Variants in NCOA6 observed in about 807,000 individuals in gnomAD.
The protein encoded by NCOA6 is nuclear receptor coactivator 6.
Under a neutral mutation model 171.4 loss-of-function variants are expected in NCOA6, and 49 were observed. The observed-to-expected ratio is 0.29, with a 90% CI of 0.23 to 0.36. The LOEUF (loss-of-function observed/expected upper bound fraction) is 0.36, where lower values mean the gene tolerates loss of function less well. Among genes scored for constraint, NCOA6 ranks in the 10% least tolerant of loss-of-function variants. NCOA6 has a pLI of 1.00. For missense variants in NCOA6, 2,248 were observed against 2,554.5 expected (o/e 0.88, Z 2.59); for synonymous variants, 910 against 927.5 (o/e 0.98, Z 0.34).
intron 10 of NCOA6, 97 bp downstream of exon 10, chr20:34,746,710 G>A (rs1295467871): frequency 2.7e-5 from 36 of 1,344,646 alleles, no homozygotes; most frequent in Non-Finnish European, 3.5e-5. Flanking sequence ...CTAGTTAGCA[G>A]ATAAAATAAA....
At chr20:34,717,740 C>T (rs1052317569) in intron 14 of NCOA6, among the ~76,000 whole-genome samples, 1 of 152,194 alleles carries the variant, frequency 6.6e-6, no homozygotes, top group Non-Finnish European at 1.5e-5. Flanking sequence ...CTAAAATCAA[C>T]TCTTCAGGTC....
At chr20:34,752,408 T>C (rs2076516085) in intron 8 of NCOA6, among the ~76,000 whole-genome samples, 1 of 152,202 alleles carries the variant, frequency 6.6e-6, no homozygotes, top group African/African-American at 2.4e-5. Flanking sequence ...ATTAAGTACC[T>C]GATACATAGA....
intron 1 of NCOA6, among the ~76,000 whole-genome samples, chr20:34,813,823 C>G (rs1162293455): frequency 1.3e-5 from 2 of 152,074 alleles, no homozygotes; most frequent in South Asian, 4.1e-4. Context: ...AACTGAAGAA[C>G]TGCTATTATA....
chr20:34,749,819 C>G lies in NCOA6; in HGVS notation c.2376G>C (p.Gly792=), dbSNP rs1445329517. The G allele has an allele frequency of 6.2e-7, 1 of 1,614,236 alleles. No homozygotes were observed. The highest frequency in any genetic ancestry group is 1.1e-5 in the South Asian group (1 of 91,088). The change falls in exon 9 of 15, where the codon GGG becomes GGC. Residue 792 remains glycine (G), a synonymous_variant. Transcript: ENST00000359003. ...GIQGQVLRPP[G]PSPHMAQQHG... is the part of the protein sequence containing the mutation. Reference sequence around the variant, plus strand: ...GCTGCTGGGCCATGTGTGGGCTGGGCCCTGGTGGCCGCAGGACCTGTCCCT... The same window carrying G: ...GCTGCTGGGCCATGTGTGGGCTGGGGCCTGGTGGCCGCAGGACCTGTCCCT...
At chr20:34,720,106 A>G (rs1428015784) in intron 14 of NCOA6, among the ~76,000 whole-genome samples, 1 of 152,196 alleles carries the variant, frequency 6.6e-6, no homozygotes, top group Non-Finnish European at 1.5e-5. Context: ...TGAACTTCAT[A>G]TTTTTAACTA....
At chr20:34,788,068 T>C (rs2077741643) in intron 2 of NCOA6, among the ~76,000 whole-genome samples, 1 of 152,192 alleles carries the variant, frequency 6.6e-6, no homozygotes, top group South Asian at 2.1e-4. Context: ...AGTTTCACCG[T>C]GTTGCCCAGG....
chr20:34,729,242 C>T lies in NCOA6; in HGVS notation c.6000-1835G>A, dbSNP rs555881903. ...CTGGGATTACAGGTGTGAGCCACAA[C>T]GCCCAGCCCTATACACATAAATCTG... On this transcript the variant is annotated intron_variant, in intron 13 of 14. Transcript: ENST00000359003. Among the ~76,000 whole-genome samples, 6 of 152,300 alleles carry T rather than the reference C, an allele frequency of 3.9e-5. No homozygotes were observed. In the East Asian group the frequency reaches 7.7e-4, roughly 20 times the overall value.
intron 5 of NCOA6, among the ~76,000 whole-genome samples, chr20:34,765,169 T>C (rs1431967908): frequency 6.7e-6 from 1 of 149,682 alleles, no homozygotes; most frequent in African/African-American, 2.5e-5. Context: ...AAACAGGTTT[T>C]TGGCTGGGCG....
chr20:34,767,924 G>A (rs2077030376), intron 5 of NCOA6, among the ~76,000 whole-genome samples: 1 of 152,050 alleles, frequency 6.6e-6, no homozygotes, highest in South Asian at 2.1e-4. Context: ...CTAATATTCT[G>A]AGATTCAATC....
intron 10 of NCOA6, among the ~76,000 whole-genome samples, chr20:34,744,242 G>A (rs2076236628): frequency 6.6e-6 from 1 of 152,160 alleles, no homozygotes; most frequent in Non-Finnish European, 1.5e-5. Flanking sequence ...GAACTCTGAA[G>A]GACAATGTCT....
intron 1 of NCOA6, among the ~76,000 whole-genome samples, chr20:34,795,824 T>C (rs1173603179): frequency 2.0e-5 from 3 of 152,160 alleles, no homozygotes; most frequent in African/African-American, 4.8e-5. Flanking sequence ...AGGTAGAGAA[T>C]GTTCTTTATT....
At chr20:34,772,401 C>T (rs1286146250) in intron 4 of NCOA6, among the ~76,000 whole-genome samples, 3 of 151,748 alleles carry the variant, frequency 2.0e-5, no homozygotes, top group Admixed American at 6.6e-5. Flanking sequence ...GTGCCTGGTA[C>T]GTGGCAGATG....
chr20:34,776,172 G>T, intron 4 of NCOA6, 121 bp downstream of exon 4: 1 of 1,273,880 alleles, frequency 7.9e-7, no homozygotes, highest in Non-Finnish European at 1.1e-6. Flanking sequence ...CAAGTTACAT[G>T]AGTTGCTTGG....
Position 34,715,338 on chromosome 20 carries a change from C to T in NCOA6, c.6176G>A (p.Arg2059Gln), listed in dbSNP as rs1191558154. The T allele has an allele frequency of 1.7e-5, 27 of 1,613,848 alleles. No individual in the cohort carries two copies. Among genetic ancestry groups the T allele is most frequent in the Non-Finnish European group, 2.0e-5 (24 of 1,179,894 alleles). ...CCTGCTTGTTTACTTGGATTTTCTT[C>T]GCTTGGATTGCACCGCACTGGTTAT... The part of the protein sequence containing the change: ...KDITSAVQSK[R>Q]RKSK The change falls in exon 15 of 15, where the codon CGA becomes CAA. Residue 2059 changes from arginine to glutamine, a missense_variant. Physicochemically the swap from Arg to Gln is conservative, Grantham distance 43 (BLOSUM62 1). Coordinates refer to ENST00000359003, the MANE Select transcript of NCOA6 (RefSeq NM_014071.5).
At chr20:34,815,366 G>C (rs58096805) in intron 1 of NCOA6, among the ~76,000 whole-genome samples, 2,317 of 152,000 alleles carry the variant, frequency 0.015, 68 homozygotes, top group African/African-American at 0.053. Flanking sequence ...GACAAAGCGA[G>C]ACTCTATTTT....
chr20:34,768,139 T>C (rs1600931653), intron 5 of NCOA6, among the ~76,000 whole-genome samples: 1 of 152,228 alleles, frequency 6.6e-6, no homozygotes, highest in Admixed American at 6.5e-5. Context: ...TTCTCCATTG[T>C]ACTATTAAAA....
In NCOA6 at chr20:34,760,144, G is replaced by C. The variant is rs576186829; in HGVS notation, c.515-1211C>G. Among the ~76,000 whole-genome samples, 35 of 152,260 alleles carry C rather than the reference G, an allele frequency of 2.3e-4. No individual in the cohort carries two copies. In the South Asian group the frequency reaches 6.8e-3, roughly 30 times the overall value. On this transcript the variant is annotated intron_variant, in intron 5 of 14. Transcript: ENST00000359003. ...AATAAAAAAATCAGCCAGTGTGGTG[G>C]CAAGCGCCTGGATTCCTAGCTATTT...
chr20:34,760,852 C>T (rs1012448404), intron 5 of NCOA6, among the ~76,000 whole-genome samples: 1 of 151,894 alleles, frequency 6.6e-6, no homozygotes, highest in African/African-American at 2.4e-5. Context: ...TTTTTTCATT[C>T]TTTACATTGT....
Position 34,742,906 on chromosome 20 carries a change from C to T in NCOA6, c.3350G>A (p.Ser1117Asn). Residue 1117 changes from serine (S) to asparagine (N), a missense_variant, in exon 11 of 15, where the codon AGC becomes AAC. Transcript: ENST00000359003. The stretch of plus-strand genomic sequence containing the variant: ...TGGCGAGCTGGAAGGATTCTGCGGG[C>T]TCTCCTGATAGACCATTTTCCTTGA... The part of the protein sequence containing the change: ...SNSRKMVYQE[S>N]PQNPSSSPLA... 6.2e-7 allele frequency: 1 copy of T among 1,614,202 alleles called. No individual in the cohort carries two copies. The highest frequency in any genetic ancestry group is 8.5e-7 in the Non-Finnish European group (1 of 1,180,028).
Sources: gnomAD v4.1 joint callset for allele counts (sites outside exome capture counted in the v4.1 genomes callset) on GRCh38, gnomAD v4.1.1 for gene constraint, MANE v1.5 for transcripts, NCBI Gene and HGNC (gene_info 2026-07-23, HGNC 2026-07-21) for gene names.